ESRRG: variants seen among roughly 807,000 people sequenced by gnomAD.
ESRRG encodes the protein estrogen-related receptor gamma.
ESRRG carries 13 observed loss-of-function variants against 44.0 expected under a neutral mutation model. That is an observed-to-expected ratio of 0.30 (90% confidence interval 0.19 to 0.47). ESRRG has a LOEUF of 0.47. ESRRG is among the 20% of genes least tolerant of loss of function. ESRRG has a pLI of 1.00. For synonymous variants in ESRRG, 215 were observed against 214.6 expected (o/e 1.00, Z -0.02); for missense variants, 395 against 580.6 (o/e 0.68, Z 3.29).
intron 1 of ESRRG, among the ~76,000 whole-genome samples, chr1:216,708,781 C>G (rs982098966): frequency 1.3e-5 from 2 of 152,036 alleles, no homozygotes; most frequent in Non-Finnish European, 2.9e-5. Context: ...TTATTGCAGC[C>G]CTGTTCACAA....
rs1416045514 is a variant in ESRRG, at chr1:217,020,716, C to G, written c.-106+68791G>C. On this transcript the variant is annotated intron_variant, in intron 1 of 7. Coordinates refer to the ESRRG transcript ENST00000359162. The stretch of plus-strand genomic sequence containing the variant: ...GACTTATAAGGTGCTGTTGAAAAAT[C>G]TACGGATAAGCATCTTAAATCATGG... 3.9e-5 allele frequency among the ~76,000 whole-genome samples: 6 copies of G among 152,166 alleles called. No individual in the cohort carries two copies. The South Asian group carries it at 1.0e-3, about 26-fold the overall frequency.
chr1:217,076,939 T>C (rs570146003), intron 1 of ESRRG: 18 of 152,196 alleles, frequency 1.2e-4, no homozygotes, highest in African/African-American at 4.3e-4. Flanking sequence ...CCTGCCAAGT[T>C]TGTGGAGATA....
chr1:216,960,373 C>T, intron 1 of ESRRG, among the ~76,000 whole-genome samples: 1 of 152,144 alleles, frequency 6.6e-6, no homozygotes. Flanking sequence ...CAGCTGCATT[C>T]CTCACCAGAA....
chr1:217,068,644 T>A (rs368863324), intron 1 of ESRRG, among the ~76,000 whole-genome samples: 147 of 152,306 alleles, frequency 9.7e-4, no homozygotes, highest in African/African-American at 3.4e-3. Flanking sequence ...CATGTATTAT[T>A]AGAAGAAATA....
At chr1:216,569,069 AAAGACAGAGAGAAAGG>A (rs1437861167) in intron 3 of ESRRG, among the ~76,000 whole-genome samples, 1 of 128,346 alleles carries the variant, frequency 7.8e-6, no homozygotes, top group Non-Finnish European at 1.6e-5. Flanking sequence ...AGAAAGAGAG[AAAGACAGAGAGAAAGG>A]AAGGAAGGAA....
intron 1 of ESRRG, among the ~76,000 whole-genome samples, chr1:216,981,969 C>T (rs1579022777): frequency 1.3e-5 from 2 of 152,212 alleles, no homozygotes. Context: ...GTAATGGGAG[C>T]TCTCTTTCCA....
chr1:216,819,597 T>C (rs2095242882), intron 2 of ESRRG, among the ~76,000 whole-genome samples: 1 of 152,226 alleles, frequency 6.6e-6, no homozygotes, highest in South Asian at 2.1e-4. Context: ...CCTGCAATAC[T>C]GATCACAGTT....
intron 2 of ESRRG, among the ~76,000 whole-genome samples, chr1:216,938,964 G>T (rs913686670): frequency 6.6e-6 from 1 of 152,088 alleles, no homozygotes; most frequent in African/African-American, 2.4e-5. Context: ...ACTAATGGAT[G>T]GTATCCTGGG....
chr1:216,739,108 A>G lies in ESRRG; in HGVS notation c.-13-61617T>C, dbSNP rs867602995. Among the ~76,000 whole-genome samples the G allele has an allele frequency of 1.4e-3, 206 of 152,272 alleles. 2 individuals are homozygous for G. The highest frequency in any genetic ancestry group is 4.7e-3 in the African/African-American group (196 of 41,558). ...ACCTCAGCATCCCTCTATCATCTCA[A>G]CTAACCAAATGCTATTAATGTTTTC... is the stretch of plus-strand genomic sequence containing the variant. On this transcript the variant is annotated intron_variant, in intron 2 of 7. Coordinates refer to the ESRRG transcript ENST00000359162.
At chr1:216,711,144 G>A (rs1390520170) in intron 1 of ESRRG, among the ~76,000 whole-genome samples, 2 of 152,132 alleles carry the variant, frequency 1.3e-5, no homozygotes, top group Non-Finnish European at 2.9e-5. Flanking sequence ...TTCCTATCTG[G>A]GAGCCAGGTT....
chr1:217,135,481 T>C (rs2093036041), intron 1 of ESRRG, among the ~76,000 whole-genome samples: 1 of 150,798 alleles, frequency 6.6e-6, no homozygotes, highest in African/African-American at 2.4e-5. Context: ...GAGCTGGAGG[T>C]TGAAGGGGCA....
chr1:216,652,284 T>C (rs1342229209), intron 2 of ESRRG, among the ~76,000 whole-genome samples: 1 of 152,160 alleles, frequency 6.6e-6, no homozygotes, highest in Non-Finnish European at 1.5e-5. Context: ...GACCACAGCA[T>C]TGATGAAATA....
Position 216,608,237 on chromosome 1 carries a change from T to G in ESRRG, c.590-40139A>C, listed in dbSNP as rs2060187570. On this transcript the variant is annotated intron_variant, in intron 3 of 6. Coordinates refer to ENST00000408911, the MANE Select transcript of ESRRG (RefSeq NM_001438.4). ...AGCCATGTTTGCATCTTTTATCAAC[T>G]TAAATATTATCCTCCTTTATTGCTT... Among the ~76,000 whole-genome samples the G allele has an allele frequency of 2.0e-5, 3 of 152,206 alleles. 1 individual carries two copies. Among genetic ancestry groups the G allele is most frequent in the Admixed American group, 2.0e-4 (3 of 15,266 alleles).
chr1:217,081,484 C>T (rs947029956), intron 1 of ESRRG, among the ~76,000 whole-genome samples: 3 of 152,102 alleles, frequency 2.0e-5, no homozygotes, highest in African/African-American at 7.2e-5. Flanking sequence ...ACCTCAGCCT[C>T]CCAAAGTGCT....
At chr1:217,000,369 T>C (rs1042551588) in intron 1 of ESRRG, 2 of 152,228 alleles carry the variant, frequency 1.3e-5, no homozygotes, top group Non-Finnish European at 2.9e-5. Context: ...TTGCCAGCGA[T>C]CTTTGGAGTT....
At chr1:217,077,378 G>A (rs571165089) in intron 1 of ESRRG, among the ~76,000 whole-genome samples, 2 of 152,172 alleles carry the variant, frequency 1.3e-5, no homozygotes, top group East Asian at 1.9e-4. Context: ...TATGAAAGTG[G>A]ACAAGCCGAG....
At chr1:217,015,731 A>AATTTTTTTTTTT (rs759911532) in intron 1 of ESRRG, among the ~76,000 whole-genome samples, 4 of 142,116 alleles carry the variant, frequency 2.8e-5, no homozygotes, top group Non-Finnish European at 3.1e-5. Flanking sequence ...GGGCAGCTAG[A>AATTTTTTTTTTT]TTTTTTTTTT....
intron 1 of ESRRG, among the ~76,000 whole-genome samples, chr1:216,958,326 C>A (rs1338316567): frequency 1.3e-5 from 2 of 152,028 alleles, no homozygotes; most frequent in Non-Finnish European, 2.9e-5. Context: ...AGGTAAAAAT[C>A]TTTAGTTTGA....
chr1:216,913,146 GA>G (rs1272083040), intron 2 of ESRRG, among the ~76,000 whole-genome samples: 2 of 138,112 alleles, frequency 1.4e-5, no homozygotes, highest in East Asian at 4.1e-4. Context: ...AAGAAAGACA[GA>G]AAAACGAAAA....
Sources: allele counts gnomAD v4.1 joint callset (sites outside exome capture counted in the v4.1 genomes callset), GRCh38; gene constraint gnomAD v4.1.1; transcripts MANE v1.5; gene names NCBI Gene and HGNC (gene_info 2026-07-23, HGNC 2026-07-21).